Variants in NPY2R observed in about 807,000 individuals in gnomAD.
The protein encoded by NPY2R is neuropeptide Y receptor type 2.
In NPY2R, 17 loss-of-function variants were observed where a neutral mutation model predicts 22.3. That is an observed-to-expected ratio of 0.76 (90% CI 0.52 to 1.14). The LOEUF (loss-of-function observed/expected upper bound fraction) is 1.14. NPY2R is among the 50% of genes most tolerant of loss of function. The pLI, the probability that NPY2R is intolerant of heterozygous loss-of-function variation, is 0.00. For synonymous variants in NPY2R, 209 were observed against 183.4 expected (o/e 1.14, Z -1.13); for missense variants, 424 against 467.9 (o/e 0.91, Z 0.87).
At chr4:155,186,660 A>C in the NPY2R span, among the ~76,000 whole-genome samples, 1 of 152,224 alleles carries the variant, frequency 6.6e-6, no homozygotes, top group African/African-American at 2.4e-5. Flanking sequence ...GTTAGTAACT[A>C]TACTCATCAT....
At chr4:155,204,746 A>G (rs181292512), upstream of NPY2R, among the ~76,000 whole-genome samples, 1 of 151,954 alleles carries the variant, frequency 6.6e-6, no homozygotes, top group Admixed American at 6.6e-5. Flanking sequence ...AAGTTAATTA[A>G]AAGTAGAGAT....
upstream of NPY2R, chr4:155,208,299 C>T (rs970975645): frequency 1.3e-5 from 2 of 152,314 alleles, no homozygotes; most frequent in Admixed American, 6.5e-5. This position sits in a 1 kb window ranked among gnomAD's most constrained non-coding sequence, Gnocchi z 5.6. Flanking sequence ...CTTCGCTCGC[C>T]TGCCTTGCTA....
chr4:155,205,757 A>C (rs573646908), upstream of NPY2R, among the ~76,000 whole-genome samples: 1 of 152,204 alleles, frequency 6.6e-6, no homozygotes, highest in Non-Finnish European at 1.5e-5. Context: ...GACATCAAAT[A>C]CTAATATAAC....
chr4:155,213,287 A>G (rs1560764566), intron 1 of NPY2R, among the ~76,000 whole-genome samples: 1 of 152,228 alleles, frequency 6.6e-6, no homozygotes, highest in Admixed American at 6.5e-5. Context: ...TTGAAATTAA[A>G]TTTTAAAAAA....
upstream of NPY2R, among the ~76,000 whole-genome samples, chr4:155,204,995 T>G (rs1729253381): frequency 6.6e-6 from 1 of 152,096 alleles, no homozygotes; most frequent in African/African-American, 2.4e-5. Context: ...TAAAGGCCAT[T>G]TCACATCCGC....
the NPY2R span, among the ~76,000 whole-genome samples, chr4:155,191,857 C>T: frequency 0.47 from 70,915 of 151,542 alleles, 17,274 homozygotes; most frequent in East Asian, 0.69. Flanking sequence ...ACTTCAGGGA[C>T]TGGTAAAGTG....
chr4:155,186,012 A>T, the NPY2R span, among the ~76,000 whole-genome samples: 1 of 152,188 alleles, frequency 6.6e-6, no homozygotes, highest in Non-Finnish European at 1.5e-5. Context: ...ACCAGAAAGT[A>T]TCGCCACTCT....
the NPY2R span, among the ~76,000 whole-genome samples, chr4:155,176,061 G>T: frequency 6.6e-6 from 1 of 152,082 alleles, no homozygotes; most frequent in African/African-American, 2.4e-5. Context: ...TTCAGCCAAG[G>T]AAATAAAACT....
At chr4:155,186,990 T>C in the NPY2R span, among the ~76,000 whole-genome samples, 71,101 of 152,004 alleles carry the variant, frequency 0.47, 17,353 homozygotes, top group East Asian at 0.69. Context: ...TGGAGAAATA[T>C]GAGATTTATG....
At chr4:155,212,967 T>G (rs749127075) in intron 1 of NPY2R, among the ~76,000 whole-genome samples, 1 of 152,212 alleles carries the variant, frequency 6.6e-6, no homozygotes, top group Admixed American at 6.5e-5. Context: ...AAGAATGATA[T>G]GATGTCTTTT....
chr4:155,174,484 A>ATATATATATATATATATATTTTTTTT, the NPY2R span, among the ~76,000 whole-genome samples: 3 of 106,116 alleles, frequency 2.8e-5, no homozygotes, highest in African/African-American at 1.4e-4. Context: ...ATATATATAT[A>ATATATATATATATATATATTTTTTTT]TTTTTTTTTT....
At chr4:155,175,609 T>G in the NPY2R span, among the ~76,000 whole-genome samples, 1 of 152,116 alleles carries the variant, frequency 6.6e-6, no homozygotes, top group Non-Finnish European at 1.5e-5. Context: ...AATAGCGATT[T>G]GTCAGTTTTT....
chr4:155,210,409 T>C (rs539381633), intron 1 of NPY2R, among the ~76,000 whole-genome samples: 18 of 152,316 alleles, frequency 1.2e-4, no homozygotes, highest in African/African-American at 4.3e-4. Context: ...AAATCAAGTA[T>C]ACTCTTCCTC....
rs147403709 is a variant in NPY2R, at chr4:155,214,136, T to C, written c.197T>C (p.Ile66Thr). ...TGCTCCATCATCTTGCTTGGGGTAA[T>C]TGGCAACTCCTTGGTGATCCATGTG... ...AYCSIILLGV[I>T]GNSLVIHVVI... The change falls in exon 2 of 2, where the codon ATT (isoleucine) becomes ACT (threonine). Residue 66 changes from isoleucine to threonine, a missense_variant. Ile to Thr is a moderately conservative substitution (Grantham distance 89, BLOSUM62 -1). Transcript: ENST00000329476. 28 of 1,613,978 alleles carry C rather than the reference T, an allele frequency of 1.7e-5. No homozygotes were observed. The highest frequency in any genetic ancestry group is 3.3e-4 in the Middle Eastern group (2 of 6,062).
At chr4:155,211,070 T>G (rs572500829) in intron 1 of NPY2R, among the ~76,000 whole-genome samples, 1 of 152,306 alleles carries the variant, frequency 6.6e-6, no homozygotes, top group Admixed American at 6.5e-5. Context: ...CATAGGCAGT[T>G]GTCTTCAGTA....
chr4:155,213,154 G>A (rs1242321514), intron 1 of NPY2R, among the ~76,000 whole-genome samples: 3 of 152,074 alleles, frequency 2.0e-5, no homozygotes, highest in Non-Finnish European at 4.4e-5. Flanking sequence ...ATGGGAGTGA[G>A]GGATAAAAAA....
chr4:155,205,481 A>G (rs1056883675), upstream of NPY2R, among the ~76,000 whole-genome samples: 2 of 152,164 alleles, frequency 1.3e-5, no homozygotes, highest in African/African-American at 4.8e-5. Context: ...CTCAATACTG[A>G]TATTATTGAA....
chr4:155,209,970 CTT>C, intron 1 of NPY2R, among the ~76,000 whole-genome samples: 1 of 152,230 alleles, frequency 6.6e-6, no homozygotes. Context: ...TCCTGAAACT[CTT>C]TTCCTATTCT....
the NPY2R span, among the ~76,000 whole-genome samples, chr4:155,176,751 G>A: frequency 6.6e-6 from 1 of 152,084 alleles, no homozygotes; most frequent in Non-Finnish European, 1.5e-5. Context: ...TCACAGTGGT[G>A]ACGGCTACAA....
Sources: gnomAD v4.1 joint callset for allele counts (sites outside exome capture counted in the v4.1 genomes callset) on GRCh38, gnomAD v4.1.1 for gene constraint, Gnocchi (gnomAD v3.1) non-coding constraint, MANE v1.5 for transcripts, NCBI Gene and HGNC (gene_info 2026-07-23, HGNC 2026-07-21) for gene names.